Variants in FAM3D observed in about 807,000 individuals in gnomAD.
FAM3D encodes FAM3 metabolism regulating signaling molecule D, also known as protein FAM3D.
Under a neutral mutation model 29.8 loss-of-function variants are expected in FAM3D, and 26 were observed. The observed-to-expected ratio is 0.87, with a 90% CI of 0.64 to 1.21. The LOEUF (loss-of-function observed/expected upper bound fraction) is 1.21, where lower values mean the gene tolerates loss of function less well. Ranked by LOEUF, FAM3D falls within the 50% of genes most tolerant of loss-of-function variation. FAM3D has a pLI of 0.00. For synonymous variants in FAM3D, 115 were observed against 102.3 expected (o/e 1.12, Z -0.75); for missense variants, 253 against 290.9 (o/e 0.87, Z 0.95).
intron 1 of FAM3D, among the ~76,000 whole-genome samples, chr3:58,659,015 T>A (rs945725564): frequency 6.6e-6 from 1 of 152,240 alleles, no homozygotes; most frequent in South Asian, 2.1e-4. Flanking sequence ...AACGAATTTG[T>A]GGATCAGACA....
At chr3:58,652,868 C>CCATCCATG (rs1252495974) in intron 3 of FAM3D, among the ~76,000 whole-genome samples, 1 of 151,246 alleles carries the variant, frequency 6.6e-6, no homozygotes, top group Admixed American at 6.6e-5. Flanking sequence ...ATCTGTCCAT[C>CCATCCATG]CATCCATCCA....
intron 1 of FAM3D, among the ~76,000 whole-genome samples, chr3:58,655,821 GT>G (rs1329177393): frequency 6.6e-6 from 1 of 152,124 alleles, no homozygotes; most frequent in African/African-American, 2.4e-5. Flanking sequence ...AATTCTCCAT[GT>G]TTTTTTGAAG....
chr3:58,649,076 C>T (rs2066554117), intron 4 of FAM3D, among the ~76,000 whole-genome samples: 1 of 152,124 alleles, frequency 6.6e-6, no homozygotes. Flanking sequence ...CAGAGTTGAA[C>T]TGTGTCTCTA....
chr3:58,638,355 G>T (rs938856154), intron 7 of FAM3D, among the ~76,000 whole-genome samples: 3 of 152,228 alleles, frequency 2.0e-5, no homozygotes, highest in Admixed American at 1.3e-4. Context: ...TAGATATGGT[G>T]CAACTCGAGT....
intron 4 of FAM3D, among the ~76,000 whole-genome samples, chr3:58,648,558 C>T (rs1308598605): frequency 6.6e-6 from 1 of 152,170 alleles, no homozygotes; most frequent in Admixed American, 6.5e-5. Flanking sequence ...CTACTTATAG[C>T]ACCAACATAG....
At chr3:58,655,996 C>G (rs1240843619) in intron 1 of FAM3D, among the ~76,000 whole-genome samples, 1 of 152,140 alleles carries the variant, frequency 6.6e-6, no homozygotes, top group Non-Finnish European at 1.5e-5. Context: ...CATCCATCCT[C>G]TATCTGTTCA....
At chr3:58,657,383 A>AAG (rs147715022) in intron 1 of FAM3D, 21,429 of 147,330 alleles carry the variant, frequency 0.15, 1,830 homozygotes, top group African/African-American at 0.24. Flanking sequence ...GGTGGTGGGG[A>AAG]AGAGAGAGAG....
chr3:58,645,697 C>G, intron 4 of FAM3D, 71 bp from the exon 5 acceptor site: 4 of 1,275,684 alleles, frequency 3.1e-6, no homozygotes. Context: ...GAGGGGAGGG[C>G]CAGGGCTAGG....
chr3:58,640,933 G>A (rs1297295934), intron 6 of FAM3D, among the ~76,000 whole-genome samples: 1 of 152,230 alleles, frequency 6.6e-6, no homozygotes, highest in Non-Finnish European at 1.5e-5. Context: ...GAGCCACGTA[G>A]CGTGAACGGA....
At chr3:58,643,118 C>T (rs2066379878) in intron 6 of FAM3D, among the ~76,000 whole-genome samples, 1 of 152,210 alleles carries the variant, frequency 6.6e-6, no homozygotes. Context: ...CATCCCAGCT[C>T]CCATAGCTGT....
intron 5 of FAM3D, among the ~76,000 whole-genome samples, chr3:58,644,594 C>T (rs141319956): frequency 3.9e-5 from 6 of 152,292 alleles, no homozygotes; most frequent in Non-Finnish European, 5.9e-5. Flanking sequence ...CGGACTAATA[C>T]GCTGGGCTAG....
chr3:58,645,474 A>AATAAG (rs2066449046), intron 5 of FAM3D, 35 bp downstream of exon 5: 1 of 1,443,646 alleles, frequency 6.9e-7, no homozygotes, highest in South Asian at 1.4e-5. Flanking sequence ...AATAAAATAA[A>AATAAG]ATAAAATAAA....
intron 1 of FAM3D, chr3:58,657,582 G>A (rs935877450): frequency 2.0e-5 from 3 of 152,564 alleles, no homozygotes; most frequent in Admixed American, 6.5e-5. Context: ...CTGGCTTCAG[G>A]GCAGTGGGGT....
chr3:58,649,582 T>C lies in FAM3D; in HGVS notation c.122-244A>G, dbSNP rs140798996. 4.4e-3 allele frequency among the ~76,000 whole-genome samples: 670 copies of C among 151,950 alleles called. 7 individuals carry two copies. Among genetic ancestry groups the C allele is most frequent in the African/African-American group, 0.015 (623 of 41,444 alleles). Reference sequence around the variant, plus strand: ...ATATACACATGCACACACACACACATGCAGATATATGTGACACTCATGTAT... The same window carrying C: ...ATATACACATGCACACACACACACACGCAGATATATGTGACACTCATGTAT... On this transcript the variant is annotated intron_variant, in intron 3 of 9. Coordinates refer to ENST00000358781, the MANE Select transcript of FAM3D (RefSeq NM_138805.3).
At chr3:58,661,216 C>T (rs1176508963) in intron 1 of FAM3D, among the ~76,000 whole-genome samples, 1 of 152,180 alleles carries the variant, frequency 6.6e-6, no homozygotes, top group Non-Finnish European at 1.5e-5. Flanking sequence ...CCTCTTTTAG[C>T]TCTAGGTAGA....
chr3:58,656,644 G>A (rs1392983684), intron 1 of FAM3D, among the ~76,000 whole-genome samples: 2 of 152,130 alleles, frequency 1.3e-5, no homozygotes, highest in African/African-American at 4.8e-5. Context: ...AAGGCAGCAG[G>A]TAACCTTCTC....
At chr3:58,636,531 C>T (rs1436610700) in intron 8 of FAM3D, 111 bp from the exon 9 acceptor site, 1 of 1,460,914 alleles carries the variant, frequency 6.8e-7, no homozygotes, top group African/African-American at 1.4e-5. Context: ...TCAGCATCTG[C>T]CCTGGGGGTG....
intron 6 of FAM3D, among the ~76,000 whole-genome samples, chr3:58,640,403 T>C (rs907891099): frequency 6.6e-6 from 1 of 152,360 alleles, no homozygotes; most frequent in South Asian, 2.1e-4. Flanking sequence ...GGAATCGAAC[T>C]GAGTCTACTC....
intron 1 of FAM3D, among the ~76,000 whole-genome samples, chr3:58,666,025 A>C (rs2067023719): frequency 6.6e-6 from 1 of 152,220 alleles, no homozygotes; most frequent in South Asian, 2.1e-4. Flanking sequence ...CACCTTTGTC[A>C]TAACTTTTCA....
Sources: gnomAD v4.1 joint callset for allele counts (sites outside exome capture counted in the v4.1 genomes callset) on GRCh38, gnomAD v4.1.1 for gene constraint, MANE v1.5 for transcripts, NCBI Gene and HGNC (gene_info 2026-07-23, HGNC 2026-07-21) for gene names.